Variants in PLD5 observed in about 807,000 individuals in gnomAD.
The protein encoded by PLD5 is phospholipase D family member 5.
In PLD5, 36 loss-of-function variants were observed where a neutral mutation model predicts 61.1. That is an observed-to-expected ratio of 0.59 (90% CI 0.45 to 0.78). The LOEUF (loss-of-function observed/expected upper bound fraction) is 0.78. Among genes scored for constraint, PLD5 ranks in the 30% least tolerant of loss-of-function variants. The pLI is 0.00. For synonymous variants in PLD5, 243 were observed against 242.8 expected, an observed-to-expected ratio of 1.00 and a Z score of -0.01; for missense variants, 515 against 644.4, an observed-to-expected ratio of 0.80 and a Z score of 2.17.
At chr1:242,103,008 G>A (rs1660798894) in intron 8 of PLD5, among the ~76,000 whole-genome samples, 1 of 152,192 alleles carries the variant, frequency 6.6e-6, no homozygotes, top group Non-Finnish European at 1.5e-5. Flanking sequence ...TTGACTGCAG[G>A]TGCCCTAGTG....
At chr1:242,367,895 T>G (rs1158086615) in intron 1 of PLD5, among the ~76,000 whole-genome samples, 1 of 152,184 alleles carries the variant, frequency 6.6e-6, no homozygotes, top group Non-Finnish European at 1.5e-5. Context: ...TTAGGAATTA[T>G]AAACCTCAGT....
At chr1:242,274,745 C>T (rs1344984298) in intron 3 of PLD5, among the ~76,000 whole-genome samples, 5 of 151,710 alleles carry the variant, frequency 3.3e-5, no homozygotes, top group Non-Finnish European at 5.9e-5. Flanking sequence ...CAGAGCAAGA[C>T]TCAGTCTCCA....
chr1:242,376,823 A>G (rs1661989548), intron 1 of PLD5: 7 of 1,215,488 alleles, frequency 5.8e-6, no homozygotes, highest in Non-Finnish European at 7.9e-6. Context: ...CAGCCTAGAC[A>G]GTACTGTTAA....
intron 4 of PLD5, among the ~76,000 whole-genome samples, chr1:242,227,968 C>T (rs981759948): frequency 4.6e-5 from 7 of 152,184 alleles, no homozygotes; most frequent in South Asian, 2.1e-4. Context: ...TTATCACTTC[C>T]GTTCCGAATC....
At chr1:242,504,796 T>G (rs1668668780) in intron 1 of PLD5, among the ~76,000 whole-genome samples, 1 of 152,200 alleles carries the variant, frequency 6.6e-6, no homozygotes. Context: ...TTTTTCTTAT[T>G]ATTCTGAATT....
chr1:242,410,302 C>G (rs1664477619), intron 1 of PLD5, among the ~76,000 whole-genome samples: 1 of 152,088 alleles, frequency 6.6e-6, no homozygotes, highest in South Asian at 2.1e-4. Flanking sequence ...AGAACTGTCC[C>G]AAACTCAGCA....
At chr1:242,308,384 C>T (rs1676498645) in intron 2 of PLD5, among the ~76,000 whole-genome samples, 1 of 152,264 alleles carries the variant, frequency 6.6e-6, no homozygotes, top group African/African-American at 2.4e-5. Context: ...CTGTCTGCTA[C>T]TCAAATTATT....
At chr1:242,362,754 A>T (rs1661137625) in intron 1 of PLD5, among the ~76,000 whole-genome samples, 1 of 152,002 alleles carries the variant, frequency 6.6e-6, no homozygotes, top group Non-Finnish European at 1.5e-5. Context: ...CACTTCCTAC[A>T]TATATTTCCA....
intron 5 of PLD5, among the ~76,000 whole-genome samples, chr1:242,158,441 G>C (rs1206381273): frequency 6.6e-6 from 1 of 152,130 alleles, no homozygotes; most frequent in East Asian, 1.9e-4. Context: ...CCCTGGTGGG[G>C]TAGGCACCAG....
chr1:242,212,381 C>T (rs186514404), intron 5 of PLD5, among the ~76,000 whole-genome samples: 15 of 152,160 alleles, frequency 9.9e-5, no homozygotes, highest in Non-Finnish European at 1.6e-4. Context: ...TTTAAAAATA[C>T]GAAAAAACAT....
At chr1:242,253,613 G>A (rs577498575) in intron 4 of PLD5, among the ~76,000 whole-genome samples, 5 of 152,110 alleles carry the variant, frequency 3.3e-5, no homozygotes, top group East Asian at 1.9e-4. Context: ...GCGCCCGGCC[G>A]CTTCACCTCT....
intron 1 of PLD5, chr1:242,365,868 A>C (rs577229605): frequency 3.9e-5 from 6 of 153,180 alleles, no homozygotes; most frequent in African/African-American, 1.4e-4. Flanking sequence ...GCCAAAAAAG[A>C]AAAATTACTA....
rs1676554317 is a variant in PLD5 at position 242,309,267 on chromosome 1, A to G, written c.327-20737T>C. Among the ~76,000 whole-genome samples, 4 of 152,248 alleles carry G rather than the reference A, an allele frequency of 2.6e-5. No homozygotes were observed. The South Asian group carries it at 8.3e-4, about 32-fold the overall frequency. On this transcript the variant is annotated intron_variant, in intron 2 of 9. Coordinates refer to ENST00000536534, the MANE Select transcript of PLD5 (RefSeq NM_001372062.1). ...TCCTCATCCCGCTTTTCTGCTTACT[A>G]CTAGAGACAGAAATTAAAAACCATG...
intron 1 of PLD5, among the ~76,000 whole-genome samples, chr1:242,466,858 A>C (rs1466035623): frequency 6.6e-6 from 1 of 151,170 alleles, no homozygotes; most frequent in Admixed American, 6.6e-5. Flanking sequence ...GCGCCACTGC[A>C]CTCCAGCCTG....
At chr1:242,091,254 A>C (rs1024950725) in intron 9 of PLD5, among the ~76,000 whole-genome samples, 2 of 152,170 alleles carry the variant, frequency 1.3e-5, no homozygotes, top group African/African-American at 4.8e-5. Context: ...ACTTCAACAT[A>C]TGAATTTTGG....
At chr1:242,131,835 C>CTTTTTT (rs10694688) in intron 5 of PLD5, among the ~76,000 whole-genome samples, 2 of 122,830 alleles carry the variant, frequency 1.6e-5, no homozygotes, top group Non-Finnish European at 3.2e-5. Flanking sequence ...TCTTTCTTTC[C>CTTTTTT]TTTTTTTTTT....
chr1:242,276,484 G>T (rs554134214), intron 3 of PLD5, among the ~76,000 whole-genome samples: 1 of 139,926 alleles, frequency 7.1e-6, no homozygotes, highest in Non-Finnish European at 1.5e-5. Context: ...AAAGAATCCA[G>T]GTATTGTTTA....
chr1:242,181,846 T>C (rs1007069324), intron 5 of PLD5, among the ~76,000 whole-genome samples: 2 of 152,152 alleles, frequency 1.3e-5, no homozygotes, highest in African/African-American at 2.4e-5. Context: ...TTTCACCATG[T>C]TGGCCAGGAC....
intron 2 of PLD5, among the ~76,000 whole-genome samples, chr1:242,346,850 C>G (rs1337656002): frequency 6.6e-6 from 1 of 152,166 alleles, no homozygotes; most frequent in East Asian, 1.9e-4. Flanking sequence ...TGTTCCCCAC[C>G]ATGTGTCCAT....
Sources: gnomAD v4.1 joint callset for allele counts (sites outside exome capture counted in the v4.1 genomes callset) on GRCh38, gnomAD v4.1.1 for gene constraint, MANE v1.5 for transcripts, NCBI Gene and HGNC (gene_info 2026-07-23, HGNC 2026-07-21) for gene names.